The following DDX49 variants were observed in gnomAD, a reference collection of about 807,000 sequenced individuals.
The protein encoded by DDX49 is probable ATP-dependent RNA helicase DDX49.
Under a neutral mutation model 56.3 loss-of-function variants are expected in DDX49, and 50 were observed. That is an observed-to-expected ratio of 0.89 (90% CI 0.71 to 1.12). The LOEUF (loss-of-function observed/expected upper bound fraction) is 1.12. Ranked by LOEUF, DDX49 falls within the 50% of genes most tolerant of loss-of-function variation. DDX49 has a pLI of 0.00. For synonymous variants in DDX49, 269 were observed against 270.6 expected (o/e 0.99, Z 0.06); for missense variants, 614 against 650.5 (o/e 0.94, Z 0.61).
intron 1 of DDX49, 39 bp downstream of exon 1, chr19:18,919,895 G>T: frequency 1.4e-6 from 2 of 1,451,144 alleles, no homozygotes; most frequent in Non-Finnish European, 1.9e-6. Flanking sequence ...AGGCCTCTCC[G>T]CTCCTCTCGA....
In DDX49 at chr19:18,924,960, C is replaced by T. The variant is rs760019445; in HGVS notation, c.1008C>T (p.Val336=). 3.4e-5 allele frequency: 55 copies of T among 1,611,440 alleles called. No individual in the cohort carries two copies. The highest frequency in any genetic ancestry group is 1.6e-4 in the Middle Eastern group (1 of 6,084). Reference sequence around the variant, plus strand: ...TCCCCAAGATCTACATCCACCGAGTCGGCCGGACGGCCCGTGCAGGTGAGC... The same window carrying T: ...TCCCCAAGATCTACATCCACCGAGTTGGCCGGACGGCCCGTGCAGGTGAGC... ...PGLPKIYIHR[V]GRTARAGRQG... The change falls in exon 9 of 13, where the codon GTC becomes GTT. Residue 336 remains valine, a synonymous_variant. Coordinates refer to ENST00000247003, the MANE Select transcript of DDX49 (RefSeq NM_019070.5).
intron 1 of DDX49, 111 bp from the exon 2 acceptor site, chr19:18,920,469 T>G: frequency 8.4e-7 from 1 of 1,186,690 alleles, no homozygotes. Flanking sequence ...GTCAAATGGA[T>G]ATGGGTTCCA....
intron 4 of DDX49, 108 bp from the exon 5 acceptor site, chr19:18,922,218 C>T (rs774508196): frequency 3.8e-5 from 53 of 1,390,946 alleles, no homozygotes; most frequent in East Asian, 7.5e-5. Context: ...GAGGGTACTC[C>T]AGGGCCTAGG....
chr19:18,924,107 C>T, intron 6 of DDX49, 126 bp from the exon 7 acceptor site: 1 of 916,524 alleles, frequency 1.1e-6, no homozygotes, highest in Non-Finnish European at 1.8e-6. Context: ...CGTGCCTGGC[C>T]TGCTGCCTCT....
At chr19:18,926,980 T>C (rs2056966058) in intron 10 of DDX49, among the ~76,000 whole-genome samples, 1 of 142,316 alleles carries the variant, frequency 7.0e-6, no homozygotes, top group African/African-American at 2.7e-5. Flanking sequence ...GGGTGAGGCA[T>C]GAGAATTACT....
intron 7 of DDX49, 99 bp from the exon 8 acceptor site, chr19:18,924,524 G>A: frequency 3.6e-6 from 5 of 1,374,070 alleles, no homozygotes; most frequent in South Asian, 1.2e-5. Context: ...CTTCCTCAAT[G>A]GACGGCTGGG....
chr19:18,920,879 A>C (rs1427270210), intron 2 of DDX49, 176 bp downstream of exon 2: 2 of 537,578 alleles, frequency 3.7e-6, no homozygotes, highest in Non-Finnish European at 6.1e-6. Context: ...AGTGGCTCAC[A>C]CCTGTAATCC....
At chr19:18,922,239 A>G (rs182973292) in intron 4 of DDX49, 87 bp from the exon 5 acceptor site, 32 of 1,491,312 alleles carry the variant, frequency 2.1e-5, no homozygotes, top group Admixed American at 3.9e-5. Context: ...GTCCATGTCC[A>G]TGCCTCTCAA....
intron 8 of DDX49, 73 bp downstream of exon 8, chr19:18,924,772 C>T (rs2056947469): frequency 6.2e-7 from 1 of 1,613,154 alleles, no homozygotes; most frequent in Non-Finnish European, 8.5e-7. Flanking sequence ...AGAAGGCTGG[C>T]CTCAGGCATG....
At position 18,919,756 on chromosome 19, in the gene DDX49, G is replaced by A. The variant is rs762980760; in HGVS notation, c.15G>A (p.Ala5=). The change falls in exon 1 of 13, where the codon GCG becomes GCA. Residue 5 remains alanine (A), a synonymous_variant. Transcript: ENST00000247003. MAGF[A]ELGLSSWLVE... is the part of the protein sequence containing the mutation. Reference sequence around the variant, plus strand: ...CGGCCACAAGGATGGCAGGCTTCGCGGAGCTCGGGCTGTCATCGTGGCTCG... The same window carrying A: ...CGGCCACAAGGATGGCAGGCTTCGCAGAGCTCGGGCTGTCATCGTGGCTCG... The A allele has an allele frequency of 1.1e-5, 18 of 1,610,556 alleles. No individual in the cohort carries two copies. In the East Asian group the frequency reaches 1.6e-4, roughly 14 times the overall value.
chr19:18,926,247 A>C, intron 9 of DDX49, 56 bp from the exon 10 acceptor site: 2 of 1,533,666 alleles, frequency 1.3e-6, no homozygotes, highest in Non-Finnish European at 1.8e-6. Flanking sequence ...ATCTACCTTT[A>C]TTCGCCCCAT....
chr19:18,920,793 C>T (rs752044186), intron 2 of DDX49, 90 bp downstream of exon 2: 13 of 1,347,374 alleles, frequency 9.6e-6, no homozygotes, highest in Non-Finnish European at 1.3e-5. Flanking sequence ...CCTTTTCCCA[C>T]GTGTGAGATG....
At chr19:18,919,913 C>T (rs1462662874) in intron 1 of DDX49, 57 bp downstream of exon 1, 2 of 1,331,782 alleles carry the variant, frequency 1.5e-6, no homozygotes, top group African/African-American at 1.5e-5. Flanking sequence ...CGACTCCTTT[C>T]CCTTCTCGCA....
rs1385468250 is a variant in DDX49, at chr19:18,922,781, C to T, written c.776+37C>T. The T allele has an allele frequency of 1.9e-6, 3 of 1,599,430 alleles. No individual in the cohort carries two copies. The South Asian group carries it at 3.3e-5, about 18-fold the overall frequency. Reference sequence around the variant, plus strand: ...CCGCCTCTCCCCTCCCACCGCCCTTCAAAGGAGGAGGTGGCCCGACGTCTT... The same window carrying T: ...CCGCCTCTCCCCTCCCACCGCCCTTTAAAGGAGGAGGTGGCCCGACGTCTT... On this transcript the variant is annotated intron_variant, in intron 6 of 12. Transcript: ENST00000247003.
At position 18,924,671 on chromosome 19, in the gene DDX49, A is replaced by G; in HGVS notation, c.901A>G (p.Ile301Val). The G allele has an allele frequency of 6.2e-7, 1 of 1,614,190 alleles. No homozygotes were observed. Among genetic ancestry groups the G allele is most frequent in the African/African-American group, 1.3e-5 (1 of 75,058 alleles). ...CAAGTTCAAGTCCAGCATCTACCGG[A>G]TCCTGATCGCAACAGACGTGGCCTC... is the stretch of plus-strand genomic sequence containing the variant. ...LAKFKSSIYR[I>V]LIATDVASRG... The change falls in exon 8 of 13, where the codon ATC becomes GTC. Residue 301 changes from isoleucine (I) to valine (V), a missense_variant. Ile to Val is a conservative substitution (Grantham distance 29). Coordinates refer to ENST00000247003, the MANE Select transcript of DDX49 (RefSeq NM_019070.5).
Position 18,921,830 on chromosome 19 carries a change from CTCTG to C in DDX49, c.326-10_326-7del, listed in dbSNP as rs138411964. 6.6e-4 allele frequency: 1,060 copies of C among 1,614,006 alleles called. 18 individuals are homozygous for C. In the East Asian group the frequency reaches 0.022, roughly 34 times the overall value. ...CACCTGCCCAGCCCTGCCTCTCATG[CTCTG>C]TCCCCCAGACATGGTGGCCCAGGCG... On this transcript the variant is annotated splice_polypyrimidine_tract_variant and intron_variant, in intron 3 of 12. Coordinates refer to ENST00000247003, the MANE Select transcript of DDX49 (RefSeq NM_019070.5).
Position 18,928,566 on chromosome 19 carries a change from A to G in DDX49, c.*250A>G. 2.0e-6 allele frequency: 1 copy of G among 506,804 alleles called. No individual in the cohort carries two copies. Among genetic ancestry groups the G allele is most frequent in the South Asian group, 2.9e-5 (1 of 34,758 alleles). 31.4% of individuals were successfully genotyped at this position (506,804 alleles called of 1,614,324 possible). A position where few individuals can be genotyped will look rare whatever the true frequency, so the allele number is the denominator to read the frequency against. On this transcript the variant is annotated 3_prime_UTR_variant, in exon 13 of 13. Coordinates refer to ENST00000247003, the MANE Select transcript of DDX49 (RefSeq NM_019070.5). ...GACCGGGAGGTTGTGACCCCAACCC[A>G]AGGTCACCCCCCAGGGGTGCCGCAT... is the stretch of plus-strand genomic sequence containing the variant.
At chr19:18,923,105 G>A (rs1449005296) in intron 6 of DDX49, among the ~76,000 whole-genome samples, 1 of 152,226 alleles carries the variant, frequency 6.6e-6, no homozygotes, top group East Asian at 1.9e-4. Flanking sequence ...GACCCCTGGG[G>A]AGGGCAGTTC....
intron 10 of DDX49, 107 bp downstream of exon 10, chr19:18,926,484 C>T (rs549217402): frequency 3.6e-5 from 42 of 1,175,948 alleles, no homozygotes; most frequent in Admixed American, 1.5e-4. Context: ...GGCCTGCTCC[C>T]GTGAGCAGAT....
Sources: gnomAD v4.1 joint callset for allele counts (sites outside exome capture counted in the v4.1 genomes callset) on GRCh38, gnomAD v4.1.1 for gene constraint, MANE v1.5 for transcripts, NCBI Gene and HGNC (gene_info 2026-07-23, HGNC 2026-07-21) for gene names.